RABGAP1L: variants seen among roughly 807,000 people sequenced by gnomAD.
The protein encoded by RABGAP1L is rab GTPase-activating protein 1-like.
RABGAP1L carries 63 observed loss-of-function variants against 137.7 expected under a neutral mutation model. The ratio of observed to expected loss-of-function variants is 0.46; its 90% CI spans 0.37 to 0.56. The LOEUF (loss-of-function observed/expected upper bound fraction) is 0.56, where lower values mean the gene tolerates loss of function less well. Ranked by LOEUF, RABGAP1L falls within the 20% of genes least tolerant of loss-of-function variation. The pLI is 0.00. For missense variants in RABGAP1L, 1,095 were observed against 1,244.0 expected (o/e 0.88, Z 1.80); for synonymous variants, 431 against 433.7 (o/e 0.99, Z 0.08).
chr1:174,804,274 G>GTTTTTTTTTTT (rs1553254972), intron 18 of RABGAP1L, among the ~76,000 whole-genome samples: 16 of 138,200 alleles, frequency 1.2e-4, no homozygotes, highest in Admixed American at 3.0e-4. Flanking sequence ...GTTTTGTTTT[G>GTTTTTTTTTTT]TTTTTTGTTT....
chr1:174,712,227 G>A (rs888672112), intron 17 of RABGAP1L, among the ~76,000 whole-genome samples: 3 of 152,194 alleles, frequency 2.0e-5, no homozygotes, highest in Non-Finnish European at 4.4e-5. Context: ...AAAGCAGGCT[G>A]CCCGAGCAGT....
At chr1:174,225,195 T>G (rs1162287558) in intron 3 of RABGAP1L, among the ~76,000 whole-genome samples, 1 of 152,164 alleles carries the variant, frequency 6.6e-6, no homozygotes, top group Non-Finnish European at 1.5e-5. Context: ...TGAGATCGTC[T>G]GATGAATTTT....
intron 11 of RABGAP1L, among the ~76,000 whole-genome samples, chr1:174,333,534 G>A (rs1681218373): frequency 6.6e-6 from 1 of 152,184 alleles, no homozygotes; most frequent in Non-Finnish European, 1.5e-5. Flanking sequence ...TTATTCCAAA[G>A]TGACGATTAA....
Position 174,617,318 on chromosome 1 carries a change from C to G in RABGAP1L, c.1711-20057C>G, listed in dbSNP as rs562979274. Among the ~76,000 whole-genome samples the G allele has an allele frequency of 7.2e-5, 11 of 152,240 alleles. 1 individual carries two copies. The highest frequency in any genetic ancestry group is 7.2e-4 in the Admixed American group (11 of 15,282). On this transcript the variant is annotated intron_variant, in intron 13 of 25. Coordinates refer to ENST00000681986, the MANE Select transcript of RABGAP1L (RefSeq NM_001366446.1). ...TCTGTAGCAGAAACAGCAACTGACCCTCTCGAATAGTGAAAAATGAAGAAA... is the reference window on the plus strand; with the variant it reads ...TCTGTAGCAGAAACAGCAACTGACCGTCTCGAATAGTGAAAAATGAAGAAA...
chr1:174,424,160 A>G (rs1651681281), intron 13 of RABGAP1L, among the ~76,000 whole-genome samples: 1 of 152,102 alleles, frequency 6.6e-6, no homozygotes, highest in Admixed American at 6.5e-5. Context: ...CATATAGGAT[A>G]TATCTTCTTT....
At chr1:174,812,417 A>G (rs1329210056) in intron 19 of RABGAP1L, among the ~76,000 whole-genome samples, 3 of 152,252 alleles carry the variant, frequency 2.0e-5, no homozygotes, top group Admixed American at 6.5e-5. Flanking sequence ...ACATTGGTCC[A>G]TGTCACATGT....
At chr1:174,400,570 G>T (rs949411157) in intron 13 of RABGAP1L, among the ~76,000 whole-genome samples, 4 of 152,180 alleles carry the variant, frequency 2.6e-5, no homozygotes, top group African/African-American at 7.2e-5. Flanking sequence ...GCCTTATATT[G>T]TGTTAGGTCC....
intron 13 of RABGAP1L, among the ~76,000 whole-genome samples, chr1:174,495,575 C>T (rs1391289782): frequency 6.6e-6 from 1 of 152,170 alleles, no homozygotes; most frequent in African/African-American, 2.4e-5. Flanking sequence ...TTCTTTCTCC[C>T]CAACCCACCA....
chr1:174,952,137 A>G (rs1246029088), intron 19 of RABGAP1L, among the ~76,000 whole-genome samples: 1 of 151,988 alleles, frequency 6.6e-6, no homozygotes, highest in Non-Finnish European at 1.5e-5. Context: ...GCGGTGTTGA[A>G]AAGCACTCCT....
chr1:174,514,228 C>A, intron 13 of RABGAP1L, among the ~76,000 whole-genome samples: 7 of 114,214 alleles, frequency 6.1e-5, no homozygotes, highest in Middle Eastern at 8.9e-3. Context: ...AATCATGAAG[C>A]ATGTGTTATA....
intron 13 of RABGAP1L, among the ~76,000 whole-genome samples, chr1:174,532,031 A>G (rs889090501): frequency 3.3e-5 from 5 of 152,010 alleles, no homozygotes; most frequent in Non-Finnish European, 7.4e-5. Flanking sequence ...TAAGAAAACA[A>G]GTAGAAAGGA....
chr1:174,394,969 C>CTT (rs199887242), intron 13 of RABGAP1L, among the ~76,000 whole-genome samples: 27 of 142,388 alleles, frequency 1.9e-4, no homozygotes, highest in Non-Finnish European at 3.2e-4. Context: ...TTTAATTTAA[C>CTT]TTTTTTTTTT....
chr1:174,931,990 G>GTT (rs532860564), intron 19 of RABGAP1L, among the ~76,000 whole-genome samples: 3,258 of 69,742 alleles, frequency 0.047, 197 homozygotes, highest in African/African-American at 0.11. Context: ...TGCTTTTTTG[G>GTT]TTTTTTTTTT....
intron 18 of RABGAP1L, chr1:174,757,077 C>T (rs185137827): frequency 2.9e-5 from 15 of 514,032 alleles, no homozygotes; most frequent in Admixed American, 1.5e-4. Flanking sequence ...TTTTCCCCCA[C>T]GGACTCTGCC....
chr1:174,808,711 T>C (rs1453896338), intron 18 of RABGAP1L, among the ~76,000 whole-genome samples: 3 of 151,678 alleles, frequency 2.0e-5, no homozygotes, highest in African/African-American at 4.8e-5. Context: ...TGGAGTGCAA[T>C]GGTGCAGTCT....
At chr1:174,575,715 T>C (rs570388171) in intron 13 of RABGAP1L, among the ~76,000 whole-genome samples, 4 of 152,326 alleles carry the variant, frequency 2.6e-5, no homozygotes, top group Non-Finnish European at 5.9e-5. Flanking sequence ...TTGTATTTAT[T>C]GTGGGATCTG....
intron 11 of RABGAP1L, among the ~76,000 whole-genome samples, chr1:174,330,796 A>G (rs1211212569): frequency 6.6e-6 from 1 of 152,194 alleles, no homozygotes; most frequent in Non-Finnish European, 1.5e-5. Flanking sequence ...TGCAATTTCT[A>G]TCAAAATTCC....
intron 10 of RABGAP1L, among the ~76,000 whole-genome samples, chr1:174,283,965 A>G (rs921405993): frequency 6.6e-6 from 1 of 152,192 alleles, no homozygotes; most frequent in Non-Finnish European, 1.5e-5. Context: ...TACCTAGTTC[A>G]TGAATTTTTC....
At chr1:174,933,106 A>G (rs1429353293) in intron 19 of RABGAP1L, among the ~76,000 whole-genome samples, 2 of 152,170 alleles carry the variant, frequency 1.3e-5, no homozygotes, top group Non-Finnish European at 2.9e-5. Flanking sequence ...ATACATACAT[A>G]CATACATACA....
Sources: allele counts gnomAD v4.1 joint callset (sites outside exome capture counted in the v4.1 genomes callset), GRCh38; gene constraint gnomAD v4.1.1; transcripts MANE v1.5; gene names NCBI Gene and HGNC (gene_info 2026-07-23, HGNC 2026-07-21).